BRIP1: variants seen among roughly 807,000 people sequenced by gnomAD.
BRIP1 encodes BRCA1 interacting DNA helicase 1.
A neutral mutation model predicts 119.7 loss-of-function variants in BRIP1; 88 were observed. The ratio of observed to expected loss-of-function variants is 0.74; its 90% CI spans 0.62 to 0.88. The LOEUF (loss-of-function observed/expected upper bound fraction) is 0.88, where lower values mean the gene tolerates loss of function less well. Among genes scored for constraint, BRIP1 ranks in the 40% least tolerant of loss-of-function variants. The pLI is 0.00. For missense variants in BRIP1, 1,259 were observed against 1,455.4 expected, an observed-to-expected ratio of 0.87 and a Z score of 2.20; for synonymous variants, 443 against 496.5, an observed-to-expected ratio of 0.89 and a Z score of 1.43.
In BRIP1 at chr17:61,746,360, T is replaced by A. The variant is rs962886932; in HGVS notation, c.2098-1769A>T. 6.6e-6 allele frequency among the ~76,000 whole-genome samples: 1 copy of A among 152,136 alleles called. No homozygotes were observed. Among genetic ancestry groups the A allele is most frequent in the Admixed American group, 6.5e-5 (1 of 15,268 alleles). ...TGATAATAATGTCTTTCCCTATCGG[T>A]CATTACTTTAAATGTAAATGGATTA... On this transcript the variant is annotated intron_variant, in intron 14 of 19. Transcript: ENST00000259008. This position sits in a 1 kb window ranked among gnomAD's most constrained non-coding sequence, Gnocchi z 4.9.
chr17:61,811,221 T>G (rs1307431458), intron 6 of BRIP1, among the ~76,000 whole-genome samples: 4 of 152,138 alleles, frequency 2.6e-5, no homozygotes, highest in South Asian at 2.1e-4. Flanking sequence ...TTTTTGTTTT[T>G]CTTTTTGTTT....
rs1234136513 is a variant in BRIP1, at chr17:61,823,340, A to G, written c.628-14583T>C. 2.0e-5 allele frequency among the ~76,000 whole-genome samples: 3 copies of G among 152,252 alleles called. No homozygotes were observed. The highest frequency in any genetic ancestry group is 7.2e-5 in the African/African-American group (3 of 41,466). On this transcript the variant is annotated intron_variant, in intron 6 of 19. Transcript: ENST00000259008. The surrounding 1 kb of genome is among the most constrained non-coding windows in gnomAD (Gnocchi z 4.8). Reference sequence around the variant, plus strand: ...GCACCATAAACTACTAACAAATTGGACAAGATATATGAAACAGTACTTTTC... The same window carrying G: ...GCACCATAAACTACTAACAAATTGGGCAAGATATATGAAACAGTACTTTTC...
Position 61,863,291 on chromosome 17 carries a change from G to A in BRIP1, c.-38C>T, listed in dbSNP as rs371225829. 3.8e-4 allele frequency: 58 copies of A among 152,282 alleles called. 1 individual carries two copies. The highest frequency in any genetic ancestry group is 1.3e-3 in the African/African-American group (55 of 41,540). 9.4% of individuals were successfully genotyped at this position (152,282 alleles called of 1,614,324 possible). A position where few individuals can be genotyped will look rare whatever the true frequency, so the allele number is the denominator to read the frequency against. ...GACTTCCCTCCGACTTGCCTGTCTGGAGGGAAACCGAAGCAACGCTCTGAG... is the reference window on the plus strand; with the variant it reads ...GACTTCCCTCCGACTTGCCTGTCTGAAGGGAAACCGAAGCAACGCTCTGAG... On this transcript the variant is annotated 5_prime_UTR_variant, in exon 1 of 20. Transcript: ENST00000259008.
chr17:61,845,743 C>G lies in BRIP1; in HGVS notation c.627+1358G>C, dbSNP rs1217587032. ...CTACAGGCGCTTCTCCCCAGGACAT[C>G]CATCCTGCTTCTGTATGCAAAAGTG... On this transcript the variant is annotated intron_variant, in intron 6 of 19. Coordinates refer to ENST00000259008, the MANE Select transcript of BRIP1 (RefSeq NM_032043.3). The surrounding 1 kb of genome is among the most constrained non-coding windows in gnomAD (Gnocchi z 4.2). 1.3e-5 allele frequency among the ~76,000 whole-genome samples: 2 copies of G among 152,190 alleles called. No individual in the cohort carries two copies. The highest frequency in any genetic ancestry group is 2.4e-5 in the African/African-American group (1 of 41,438).
intron 17 of BRIP1, among the ~76,000 whole-genome samples, chr17:61,712,203 G>C (rs1235023183): frequency 6.6e-6 from 1 of 152,024 alleles, no homozygotes; most frequent in Admixed American, 6.6e-5. Context: ...ATGTTTTCAT[G>C]ATTTTACTCT....
At chr17:61,854,975 T>C (rs2078875211) in intron 4 of BRIP1, among the ~76,000 whole-genome samples, 1 of 151,976 alleles carries the variant, frequency 6.6e-6, no homozygotes, top group South Asian at 2.1e-4. Context: ...CATAGAGGAA[T>C]CTCAAAATAA....
rs1318135772 is a variant in BRIP1, at chr17:61,705,159, T to C, written c.2492+10792A>G. On this transcript the variant is annotated intron_variant, in intron 17 of 19. Transcript: ENST00000259008. The surrounding 1 kb of genome is among the most constrained non-coding windows in gnomAD (Gnocchi z 5.0). ...CTTTAAGTCCATGTGTACCCATTGTTTATCTCCCATTTATAAGTGGGAACA... is the reference window on the plus strand; with the variant it reads ...CTTTAAGTCCATGTGTACCCATTGTCTATCTCCCATTTATAAGTGGGAACA... Among the ~76,000 whole-genome samples, 4 of 152,204 alleles carry C rather than the reference T, an allele frequency of 2.6e-5. No homozygotes were observed. Among genetic ancestry groups the C allele is most frequent in the African/African-American group, 9.6e-5 (4 of 41,462 alleles).
intron 6 of BRIP1, among the ~76,000 whole-genome samples, chr17:61,839,122 C>T (rs2078621592): frequency 1.3e-5 from 2 of 151,902 alleles, no homozygotes; most frequent in Non-Finnish European, 2.9e-5. Context: ...AAATAAATTA[C>T]CTCTACTCAT....
chr17:61,852,618 A>T lies in BRIP1; in HGVS notation c.380-3362T>A, dbSNP rs1191588149. Among the ~76,000 whole-genome samples the T allele has an allele frequency of 2.0e-5, 3 of 152,180 alleles. No individual in the cohort carries two copies. Among genetic ancestry groups the T allele is most frequent in the Non-Finnish European group, 2.9e-5 (2 of 68,020 alleles). On this transcript the variant is annotated intron_variant, in intron 4 of 19. Transcript: ENST00000259008. The surrounding 1 kb of genome is among the most constrained non-coding windows in gnomAD (Gnocchi z 4.9). ...GGGAGCTGGCCAGTGCAGTGAGTTG[A>T]GATCGCACCACTGCACTCTAGCCTG...
At chr17:61,694,800 T>C (rs367588748) in intron 17 of BRIP1, among the ~76,000 whole-genome samples, 129 of 152,086 alleles carry the variant, frequency 8.5e-4, no homozygotes, top group African/African-American at 2.8e-3. Context: ...ATTTTTTACG[T>C]GCTTACTGGC....
At position 61,780,776 on chromosome 17, in the gene BRIP1, C is replaced by T. The variant is rs1470860461; in HGVS notation, c.1794+64G>A. 1 of 1,520,958 alleles carries T rather than the reference C, an allele frequency of 6.6e-7. No homozygotes were observed. Among genetic ancestry groups the T allele is most frequent in the African/African-American group, 1.4e-5 (1 of 72,760 alleles). 94.2% of individuals were successfully genotyped at this position (1,520,958 alleles called of 1,614,324 possible). On this transcript the variant is annotated intron_variant, in intron 12 of 19. Transcript: ENST00000259008. The surrounding 1 kb of genome is among the most constrained non-coding windows in gnomAD (Gnocchi z 5.4). ...AACAACTATCTTTAAAAGAGTCAAC[C>T]ACATTTATTAAAATGCTGGTACTGA...
Position 61,689,115 on chromosome 17 carries a change from C to T in BRIP1, c.2576-2950G>A, listed in dbSNP as rs2061408235. 1.3e-5 allele frequency among the ~76,000 whole-genome samples: 2 copies of T among 150,750 alleles called. No individual in the cohort carries two copies. Among genetic ancestry groups the T allele is most frequent in the African/African-American group, 2.5e-5 (1 of 40,700 alleles). ...CTGGAGTGCAGTGGCGCCATCTCGG[C>T]TCACTGAAACCTCCGCCTCCCTGAT... On this transcript the variant is annotated intron_variant, in intron 18 of 19. Coordinates refer to ENST00000259008, the MANE Select transcript of BRIP1 (RefSeq NM_032043.3). The surrounding 1 kb of genome is among the most constrained non-coding windows in gnomAD (Gnocchi z 4.5).
Position 61,761,273 on chromosome 17 carries a change from C to T in BRIP1, c.2097+15128G>A, listed in dbSNP as rs2077273313. On this transcript the variant is annotated intron_variant, in intron 14 of 19. Transcript: ENST00000259008. This position sits in a 1 kb window ranked among gnomAD's most constrained non-coding sequence, Gnocchi z 6.4. ...GTACTGCATATTTGGCCAATAAAGG[C>T]CAAATATGATAAGACCACACTTAAC... Among the ~76,000 whole-genome samples the T allele has an allele frequency of 1.3e-5, 2 of 151,590 alleles. No homozygotes were observed. Among genetic ancestry groups the T allele is most frequent in the African/African-American group, 4.8e-5 (2 of 41,326 alleles).
In BRIP1 at chr17:61,842,821, C is replaced by T. The variant is rs919610518; in HGVS notation, c.627+4280G>A. ...ATATCAACTTGTTTAATCCTCCTAA[C>T]GGCCCCGTGAGATAGGTACTATTAC... On this transcript the variant is annotated intron_variant, in intron 6 of 19. Coordinates refer to ENST00000259008, the MANE Select transcript of BRIP1 (RefSeq NM_032043.3). The surrounding 1 kb of genome is among the most constrained non-coding windows in gnomAD (Gnocchi z 5.1). Among the ~76,000 whole-genome samples the T allele has an allele frequency of 5.3e-5, 8 of 152,174 alleles. No homozygotes were observed. The highest frequency in any genetic ancestry group is 4.6e-4 in the Admixed American group (7 of 15,276).
At chr17:61,820,645 C>G (rs529171645) in intron 6 of BRIP1, among the ~76,000 whole-genome samples, 1 of 152,130 alleles carries the variant, frequency 6.6e-6, no homozygotes, top group East Asian at 1.9e-4. Context: ...AGTTGCCAAC[C>G]CTGGTTACAA....
intron 14 of BRIP1, among the ~76,000 whole-genome samples, chr17:61,765,378 A>T (rs1183952577): frequency 5.5e-5 from 2 of 36,592 alleles, no homozygotes; most frequent in African/African-American, 1.1e-4. Context: ...GTGTGTATAT[A>T]TTATATATAT....
At position 61,734,753 on chromosome 17, in the gene BRIP1, A is replaced by C. The variant is rs924495036; in HGVS notation, c.2379+8260T>G. On this transcript the variant is annotated intron_variant, in intron 16 of 19. Coordinates refer to ENST00000259008, the MANE Select transcript of BRIP1 (RefSeq NM_032043.3). This position sits in a 1 kb window ranked among gnomAD's most constrained non-coding sequence, Gnocchi z 5.2. ...CCAAACCCTGCTATTGAGACTGCAA[A>C]GTCTTATGTTAGTATTTTAAACTGT... Among the ~76,000 whole-genome samples the C allele has an allele frequency of 5.9e-5, 9 of 152,202 alleles. No homozygotes were observed. The highest frequency in any genetic ancestry group is 4.4e-5 in the Non-Finnish European group (3 of 68,038).
In BRIP1 at chr17:61,742,664, T is replaced by C. The variant is rs988148834; in HGVS notation, c.2379+349A>G. ...GGAGCAGTTAGAATACATACATCAC[T>C]TATGAATTACGTTTGCTCTCTTATG... is the stretch of plus-strand genomic sequence containing the variant. On this transcript the variant is annotated intron_variant, in intron 16 of 19. Transcript: ENST00000259008. This position sits in a 1 kb window ranked among gnomAD's most constrained non-coding sequence, Gnocchi z 4.7. Among the ~76,000 whole-genome samples the C allele has an allele frequency of 1.3e-5, 2 of 152,128 alleles. No homozygotes were observed. Among genetic ancestry groups the C allele is most frequent in the Non-Finnish European group, 2.9e-5 (2 of 68,032 alleles).
In BRIP1 at chr17:61,845,028, T is replaced by C. The variant is rs2078708073; in HGVS notation, c.627+2073A>G. On this transcript the variant is annotated intron_variant, in intron 6 of 19. Transcript: ENST00000259008. The surrounding 1 kb of genome is among the most constrained non-coding windows in gnomAD (Gnocchi z 4.2). The stretch of plus-strand genomic sequence containing the variant: ...CATGAAAAAGACTGACATTACATCG[T>C]AATAGGACAGACAAATAATAAACAA... Among the ~76,000 whole-genome samples the C allele has an allele frequency of 6.6e-6, 1 of 152,212 alleles. No individual in the cohort carries two copies. Among genetic ancestry groups the C allele is most frequent in the Non-Finnish European group, 1.5e-5 (1 of 68,034 alleles).
Sources: gnomAD v4.1 joint callset for allele counts (sites outside exome capture counted in the v4.1 genomes callset) on GRCh38, gnomAD v4.1.1 for gene constraint, Gnocchi (gnomAD v3.1) non-coding constraint, MANE v1.5 for transcripts, NCBI Gene and HGNC (gene_info 2026-07-23, HGNC 2026-07-21) for gene names.